The following RNF212B variants were observed in gnomAD, a reference collection of about 807,000 sequenced individuals.
The protein encoded by RNF212B is E3 ubiquitin-protein ligase RNF212B.
RNF212B carries 52 observed loss-of-function variants against 55.5 expected under a neutral mutation model. That is an observed-to-expected ratio of 0.94 (90% confidence interval 0.75 to 1.18). The LOEUF is 1.18. RNF212B is among the 50% of genes most tolerant of loss of function. The probability of loss-of-function intolerance (pLI) is 0.00; values close to 1 mark genes in which losing one functional copy is unlikely to be tolerated. For missense variants in RNF212B, 289 were observed against 350.4 expected, an observed-to-expected ratio of 0.82 and a Z score of 1.40; for synonymous variants, 99 against 121.4, an observed-to-expected ratio of 0.82 and a Z score of 1.21.
chr14:23,202,250 TAAAAA>T (rs57327070), intron 2 of RNF212B, among the ~76,000 whole-genome samples: 1 of 134,056 alleles, frequency 7.5e-6, no homozygotes, highest in Non-Finnish European at 1.6e-5. Context: ...GACCCTGTCT[TAAAAA>T]AAAAAAAAAA....
chr14:23,194,093 C>T (rs973492730), intron 2 of RNF212B, among the ~76,000 whole-genome samples: 20 of 152,250 alleles, frequency 1.3e-4, no homozygotes, highest in Middle Eastern at 3.4e-3. Flanking sequence ...CCACCCGCCT[C>T]GGCCTCCCAA....
At chr14:23,220,578 C>A (rs1382779832) in intron 2 of RNF212B, among the ~76,000 whole-genome samples, 1 of 151,598 alleles carries the variant, frequency 6.6e-6, no homozygotes, top group East Asian at 2.0e-4. Context: ...GTAATCCCAG[C>A]ACTTTGGGAG....
intron 1 of RNF212B, among the ~76,000 whole-genome samples, chr14:23,192,856 C>T (rs1878248162): frequency 6.6e-6 from 1 of 151,938 alleles, no homozygotes. Flanking sequence ...CTTTGGGAGG[C>T]CAAGGTGGGC....
chr14:23,256,142 C>T (rs754185220), intron 4 of RNF212B, among the ~76,000 whole-genome samples: 2 of 152,022 alleles, frequency 1.3e-5, no homozygotes, highest in Admixed American at 6.5e-5. Flanking sequence ...GGAGGGCTAA[C>T]TAATCTAGGG....
At chr14:23,214,043 A>AGCCC (rs1437295970) in intron 2 of RNF212B, among the ~76,000 whole-genome samples, 4 of 152,210 alleles carry the variant, frequency 2.6e-5, no homozygotes, top group African/African-American at 9.6e-5. Flanking sequence ...GGATCACTTG[A>AGCCC]GCCCAGGAGT....
intron 2 of RNF212B, among the ~76,000 whole-genome samples, chr14:23,230,681 A>C (rs924190364): frequency 6.2e-5 from 9 of 146,280 alleles, no homozygotes; most frequent in East Asian, 4.0e-4. Flanking sequence ...AAAAAAAAAA[A>C]AACCATTGCC....
At chr14:23,252,292 C>T (rs907959686) in intron 4 of RNF212B, among the ~76,000 whole-genome samples, 1 of 152,050 alleles carries the variant, frequency 6.6e-6, no homozygotes, top group Admixed American at 6.6e-5. Flanking sequence ...GTTTTAGTAA[C>T]TCTGTGAGGA....
In RNF212B at chr14:23,208,775, TTG is replaced by T. The variant is rs1555310767; in HGVS notation, c.-2+15375_-2+15376del. ...GGTTGCCGTTTTTTTTTTTTTTTTT[TTG>T]AGACGGAGTCTCACTCTGTCGCCCA... On this transcript the variant is annotated intron_variant, in intron 2 of 15. Transcript: ENST00000399910. Among the ~76,000 whole-genome samples, 16 of 143,354 alleles carry T rather than the reference TTG, an allele frequency of 1.1e-4. 3 individuals carry two copies. The highest frequency in any genetic ancestry group is 4.5e-4 in the African/African-American group (16 of 35,738). The allele number at this position is 143,354 out of a possible 152,430, so 94.0% of individuals were successfully genotyped here.
intron 2 of RNF212B, among the ~76,000 whole-genome samples, chr14:23,205,393 T>A (rs181472389): frequency 3.3e-5 from 5 of 152,110 alleles, no homozygotes; most frequent in Non-Finnish European, 1.5e-5. Flanking sequence ...ATACCTATTA[T>A]TGAATTTAAC....
intron 2 of RNF212B, among the ~76,000 whole-genome samples, chr14:23,207,878 A>T (rs1322121998): frequency 1.3e-5 from 2 of 152,240 alleles, no homozygotes; most frequent in Admixed American, 1.3e-4. Context: ...ACATTGGTTC[A>T]GTCTGGAAAG....
chr14:23,227,914 A>G (rs1882179011), intron 2 of RNF212B, among the ~76,000 whole-genome samples: 1 of 152,078 alleles, frequency 6.6e-6, no homozygotes. Context: ...AAAGTTCTAA[A>G]AATATAAAAG....
chr14:23,232,473 G>C (rs1340069478), intron 2 of RNF212B, among the ~76,000 whole-genome samples: 1 of 114,530 alleles, frequency 8.7e-6, no homozygotes, highest in Non-Finnish European at 2.1e-5. Flanking sequence ...GAAGTGAGGA[G>C]CCCCTCCGCC....
intron 2 of RNF212B, among the ~76,000 whole-genome samples, chr14:23,195,199 G>A (rs1448504944): frequency 3.3e-5 from 5 of 151,944 alleles, no homozygotes; most frequent in Non-Finnish European, 5.9e-5. Flanking sequence ...AGGCTGAGGT[G>A]GAAGGATTGC....
At chr14:23,271,755 T>C (rs1326006651) in intron 14 of RNF212B, among the ~76,000 whole-genome samples, 5 of 152,184 alleles carry the variant, frequency 3.3e-5, no homozygotes, top group African/African-American at 9.7e-5. Flanking sequence ...AAAAGCTCTA[T>C]AAACCGTCTA....
At chr14:23,203,881 T>C (rs574570783) in intron 2 of RNF212B, among the ~76,000 whole-genome samples, 6 of 152,348 alleles carry the variant, frequency 3.9e-5, no homozygotes, top group African/African-American at 1.4e-4. Context: ...ACCGTATCCA[T>C]GCCAACATCT....
At chr14:23,221,256 A>G (rs999306514) in intron 2 of RNF212B, among the ~76,000 whole-genome samples, 4 of 152,006 alleles carry the variant, frequency 2.6e-5, no homozygotes, top group African/African-American at 9.7e-5. Context: ...AAAGAAAGAA[A>G]CACGCTTCAC....
intron 4 of RNF212B, among the ~76,000 whole-genome samples, chr14:23,249,021 A>G (rs1023384564): frequency 6.6e-6 from 1 of 152,224 alleles, no homozygotes; most frequent in Non-Finnish European, 1.5e-5. Flanking sequence ...ATGTAAGCAA[A>G]TGTGTGTAAT....
chr14:23,242,180 G>A (rs1779864690), intron 2 of RNF212B, among the ~76,000 whole-genome samples: 1 of 143,474 alleles, frequency 7.0e-6, no homozygotes, highest in Non-Finnish European at 1.5e-5. Context: ...CTCAGGGGAA[G>A]GTTTTTTCTC....
chr14:23,234,369 C>T (rs960070306), upstream of RNF212B, among the ~76,000 whole-genome samples: 3 of 151,898 alleles, frequency 2.0e-5, no homozygotes, highest in African/African-American at 7.3e-5. Context: ...AATATTTTCT[C>T]TCTTCTAGAT....
Sources: allele counts gnomAD v4.1 joint callset (sites outside exome capture counted in the v4.1 genomes callset), GRCh38; gene constraint gnomAD v4.1.1; transcripts MANE v1.5; gene names NCBI Gene and HGNC (gene_info 2026-07-23, HGNC 2026-07-21).